The following SESTD1 variants were observed in gnomAD, a reference collection of about 807,000 sequenced individuals.
SESTD1 encodes SEC14 domain and spectrin repeat-containing protein 1.
In SESTD1, 43 loss-of-function variants were observed where a neutral mutation model predicts 101.7. The observed-to-expected ratio is 0.42, with a 90% CI of 0.33 to 0.55. SESTD1 has a LOEUF of 0.55. Among genes scored for constraint, SESTD1 ranks in the 20% least tolerant of loss-of-function variants. SESTD1 has a pLI of 0.07. For synonymous variants in SESTD1, 283 were observed against 286.8 expected, an observed-to-expected ratio of 0.99 and a Z score of 0.13; for missense variants, 647 against 815.1, an observed-to-expected ratio of 0.79 and a Z score of 2.51.
intron 1 of SESTD1, among the ~76,000 whole-genome samples, chr2:179,249,803 T>C (rs2047289463): frequency 6.6e-6 from 1 of 151,826 alleles, no homozygotes; most frequent in African/African-American, 2.4e-5. Context: ...TATGCCCAAC[T>C]GCTTTTTGAC....
intron 1 of SESTD1, among the ~76,000 whole-genome samples, chr2:179,234,607 G>A (rs1411798524): frequency 1.3e-5 from 2 of 151,872 alleles, no homozygotes; most frequent in East Asian, 1.9e-4. Context: ...GTGAAACCCC[G>A]TCTCTACTAA....
chr2:179,217,160 G>C (rs2046735014), intron 1 of SESTD1, among the ~76,000 whole-genome samples: 1 of 152,154 alleles, frequency 6.6e-6, no homozygotes, highest in East Asian at 1.9e-4. Flanking sequence ...AAGAGCTTCT[G>C]CATGGCAAAA....
chr2:179,153,685 A>C (rs2045572061), intron 5 of SESTD1, among the ~76,000 whole-genome samples: 1 of 152,138 alleles, frequency 6.6e-6, no homozygotes, highest in South Asian at 2.1e-4. Context: ...AAAAATAATA[A>C]TTTTAAAAGA....
At chr2:179,157,780 G>C (rs2105458247) in intron 5 of SESTD1, among the ~76,000 whole-genome samples, 1 of 152,230 alleles carries the variant, frequency 6.6e-6, no homozygotes, top group South Asian at 2.1e-4. Context: ...GTGTATTTTA[G>C]TGTTGGGAAT....
chr2:179,208,932 G>A (rs1160705605), intron 1 of SESTD1, among the ~76,000 whole-genome samples: 1 of 134,904 alleles, frequency 7.4e-6, no homozygotes, highest in Non-Finnish European at 1.6e-5. Flanking sequence ...CAGAATGGCA[G>A]AATGAATGAG....
Position 179,209,466 on chromosome 2 carries a change from G to A in SESTD1, c.-25-17600C>T, listed in dbSNP as rs373356917. Reference sequence around the variant, plus strand: ...GAACATTCTCCAAGACAGATCATACGATAAGCCAAAAAACAAGTCTAATAC... The same window carrying A: ...GAACATTCTCCAAGACAGATCATACAATAAGCCAAAAAACAAGTCTAATAC... On this transcript the variant is annotated intron_variant, in intron 1 of 17. Coordinates refer to ENST00000428443, the MANE Select transcript of SESTD1 (RefSeq NM_178123.5). Among the ~76,000 whole-genome samples, 6 of 134,408 alleles carry A rather than the reference G, an allele frequency of 4.5e-5. No individual in the cohort carries two copies. The East Asian group carries it at 6.0e-4, about 13-fold the overall frequency. 88.2% of individuals were successfully genotyped at this position (134,408 alleles called of 152,430 possible).
At chr2:179,258,394 A>C (rs1162460962) in intron 1 of SESTD1, among the ~76,000 whole-genome samples, 1 of 152,202 alleles carries the variant, frequency 6.6e-6, no homozygotes, top group East Asian at 1.9e-4. Flanking sequence ...AAGGATACCA[A>C]ATCAATATCA....
chr2:179,246,523 G>C (rs1471600334), intron 1 of SESTD1, among the ~76,000 whole-genome samples: 1 of 152,108 alleles, frequency 6.6e-6, no homozygotes, highest in Non-Finnish European at 1.5e-5. Context: ...TCACACAAGT[G>C]TCTATCGAAC....
chr2:179,222,782 C>T (rs1299563359), intron 1 of SESTD1, among the ~76,000 whole-genome samples: 7 of 152,100 alleles, frequency 4.6e-5, no homozygotes, highest in African/African-American at 1.7e-4. Flanking sequence ...AATCTGGAGA[C>T]ACAGATTTGC....
intron 1 of SESTD1, among the ~76,000 whole-genome samples, chr2:179,256,819 A>AAAC (rs2047401252): frequency 6.6e-6 from 1 of 151,890 alleles, no homozygotes; most frequent in South Asian, 2.1e-4. Context: ...CTCAAAAAAA[A>AAAC]AAAAAAAAAA....
intron 4 of SESTD1, chr2:179,174,371 C>A: frequency 2.3e-6 from 1 of 437,408 alleles, no homozygotes; most frequent in Non-Finnish European, 4.6e-6. Context: ...AAAGAAATCG[C>A]AAGAGGGGAT....
chr2:179,239,735 CACT>C (rs1475768359), intron 1 of SESTD1, among the ~76,000 whole-genome samples: 1 of 152,130 alleles, frequency 6.6e-6, no homozygotes, highest in East Asian at 1.9e-4. Context: ...CATCATTTAG[CACT>C]ACTAACGCTT....
At chr2:179,155,122 G>T (rs2045604077) in intron 5 of SESTD1, among the ~76,000 whole-genome samples, 1 of 151,618 alleles carries the variant, frequency 6.6e-6, no homozygotes, top group Admixed American at 6.6e-5. Flanking sequence ...TACCATGTTG[G>T]CCAGGCTGGT....
chr2:179,138,939 AAT>A (rs984471854), intron 9 of SESTD1, among the ~76,000 whole-genome samples: 4 of 151,776 alleles, frequency 2.6e-5, no homozygotes, highest in African/African-American at 9.7e-5. Flanking sequence ...TTGCCTGTCC[AAT>A]ATCAGAGGCT....
chr2:179,186,563 G>C (rs1210222357), intron 2 of SESTD1, among the ~76,000 whole-genome samples: 1 of 152,068 alleles, frequency 6.6e-6, no homozygotes, highest in African/African-American at 2.4e-5. Flanking sequence ...TTGGATGCCA[G>C]TTAGTCAATT....
intron 17 of SESTD1, among the ~76,000 whole-genome samples, chr2:179,110,899 T>C (rs746372398): frequency 6.6e-6 from 1 of 152,234 alleles, no homozygotes; most frequent in Non-Finnish European, 1.5e-5. Context: ...TTCCAAAATA[T>C]TAAAGGTGGG....
At chr2:179,111,257 G>C (rs554423570) in intron 17 of SESTD1, among the ~76,000 whole-genome samples, 1 of 152,210 alleles carries the variant, frequency 6.6e-6, no homozygotes, top group Non-Finnish European at 1.5e-5. Context: ...TTGAGATAAC[G>C]TAAGTATAGA....
intron 1 of SESTD1, among the ~76,000 whole-genome samples, chr2:179,239,705 G>A (rs2047121880): frequency 6.6e-6 from 1 of 152,128 alleles, no homozygotes; most frequent in African/African-American, 2.4e-5. Flanking sequence ...TCATTATTAA[G>A]ATAGATTAAA....
At chr2:179,187,061 T>C (rs945239810) in intron 2 of SESTD1, among the ~76,000 whole-genome samples, 3 of 152,186 alleles carry the variant, frequency 2.0e-5, no homozygotes, top group Non-Finnish European at 2.9e-5. Context: ...ATCTTTTCCA[T>C]ACAAGTAATT....
Sources: allele counts gnomAD v4.1 joint callset (sites outside exome capture counted in the v4.1 genomes callset), GRCh38; gene constraint gnomAD v4.1.1; transcripts MANE v1.5; gene names NCBI Gene and HGNC (gene_info 2026-07-23, HGNC 2026-07-21).